The following FAM149B1 variants were observed in gnomAD, a reference collection of about 807,000 sequenced individuals.
FAM149B1 encodes primary cilium assembly protein FAM149B1.
A neutral mutation model predicts 75.3 loss-of-function variants in FAM149B1; 56 were observed. The observed-to-expected ratio is 0.74, with a 90% confidence interval of 0.60 to 0.93. The LOEUF (loss-of-function observed/expected upper bound fraction) is 0.93. FAM149B1 is among the 40% of genes least tolerant of loss of function. The pLI is 0.00. For missense variants in FAM149B1, 639 were observed against 708.4 expected, an observed-to-expected ratio of 0.90 and a Z score of 1.11; for synonymous variants, 259 against 256.1, an observed-to-expected ratio of 1.01 and a Z score of -0.11.
chr10:73,235,214 C>G lies in FAM149B1; in HGVS notation c.1498C>G (p.Arg500Gly). The part of the protein sequence containing the change: ...RQMKPHGDSS[R>G]AQSAVVDEPN... ...GCAGAAACCCCATGGCGACTCTAGT[C>G]GAGCTCAAAGTGCGGTGGTGGATGA... Residue 500 changes from arginine to glycine, a missense_variant, in exon 12 of 14, where the codon CGA becomes GGA. By Grantham distance (125) the Arg-to-Gly change is moderately radical (BLOSUM62 -2). Transcript: ENST00000242505. 6.4e-7 allele frequency: 1 copy of G among 1,551,700 alleles called. No homozygotes were observed. Among genetic ancestry groups the G allele is most frequent in the Non-Finnish European group, 8.7e-7 (1 of 1,146,964 alleles).
chr10:73,189,170 G>A (rs1340062044), intron 3 of FAM149B1, among the ~76,000 whole-genome samples: 1 of 152,128 alleles, frequency 6.6e-6, no homozygotes, highest in East Asian at 1.9e-4. Context: ...TAGAGAAAAT[G>A]CAAATTGAAA....
chr10:73,170,404 C>T (rs926890841), intron 1 of FAM149B1, among the ~76,000 whole-genome samples: 32 of 151,744 alleles, frequency 2.1e-4, no homozygotes, highest in Admixed American at 1.3e-4. Flanking sequence ...CTTGGGAGGC[C>T]GAGGCATGAG....
intron 3 of FAM149B1, among the ~76,000 whole-genome samples, chr10:73,189,039 T>A (rs1022731775): frequency 1.3e-5 from 2 of 151,740 alleles, no homozygotes; most frequent in Non-Finnish European, 2.9e-5. Context: ...TAAAAAATAA[T>A]TAATTAATTA....
At position 73,208,744 on chromosome 10, in the gene FAM149B1, A is replaced by C; in HGVS notation, c.668A>C (p.Glu223Ala). 1 of 1,540,074 alleles carries C rather than the reference A, an allele frequency of 6.5e-7. No homozygotes were observed. The highest frequency in any genetic ancestry group is 8.8e-7 in the Non-Finnish European group (1 of 1,140,416). Residue 223 changes from glutamate to alanine, a missense_variant, in exon 6 of 14, where the codon GAA becomes GCA. Coordinates refer to ENST00000242505, the MANE Select transcript of FAM149B1 (RefSeq NM_173348.2). ...GAGGAAGACTCTATAATCGTCTCAG[A>C]AGGAATAATTGAGGAATACCTAGCA... ...RDEEDSIIVSEGIIEEYLAFD... is the reference protein window; with the variant it reads ...RDEEDSIIVSAGIIEEYLAFD...
Position 73,233,157 on chromosome 10 carries a change from C to A in FAM149B1, c.1346C>A (p.Ala449Asp), listed in dbSNP as rs771923238. The A allele has an allele frequency of 6.5e-7, 1 of 1,549,122 alleles. No individual in the cohort carries two copies. Residue 449 changes from alanine (A) to aspartate (D), a missense_variant, in exon 10 of 14, where the codon GCC becomes GAC. Transcript: ENST00000242505. The part of the protein sequence containing the change: ...PRSVEEILRG[A>D]RVPVAPDSLS... Reference sequence around the variant, plus strand: ...TCTGTGGAAGAAATCCTCAGAGGAGCCCGAGTGTAGGTTTCAAAAGCAGAA... The same window carrying A: ...TCTGTGGAAGAAATCCTCAGAGGAGACCGAGTGTAGGTTTCAAAAGCAGAA...
At chr10:73,189,091 A>T (rs1002493797) in intron 3 of FAM149B1, among the ~76,000 whole-genome samples, 1 of 152,128 alleles carries the variant, frequency 6.6e-6, no homozygotes, top group South Asian at 2.1e-4. Context: ...ACTTGAAAAG[A>T]CATTCCATGA....
At chr10:73,169,061 C>A (rs545180962) in intron 1 of FAM149B1, 3 of 152,246 alleles carry the variant, frequency 2.0e-5, no homozygotes, top group Non-Finnish European at 4.4e-5. Flanking sequence ...CGCTTGTAAT[C>A]CCAGCACTTT....
chr10:73,170,743 A>C (rs908462647), intron 1 of FAM149B1, among the ~76,000 whole-genome samples: 1 of 152,168 alleles, frequency 6.6e-6, no homozygotes, highest in African/African-American at 2.4e-5. Flanking sequence ...GGGAACTAGG[A>C]AGAAGAAACA....
intron 3 of FAM149B1, among the ~76,000 whole-genome samples, chr10:73,187,729 C>CA (rs938873191): frequency 5.4e-5 from 8 of 148,044 alleles, no homozygotes; most frequent in African/African-American, 2.0e-4. Flanking sequence ...AACTCTGTCT[C>CA]AAAAAAAAAT....
intron 7 of FAM149B1, among the ~76,000 whole-genome samples, chr10:73,222,032 T>C (rs1365550294): frequency 6.6e-6 from 1 of 152,222 alleles, no homozygotes; most frequent in Non-Finnish European, 1.5e-5. Context: ...GTGGAATAAT[T>C]TGAATATCTG....
chr10:73,210,689 G>A (rs989859754), intron 7 of FAM149B1, among the ~76,000 whole-genome samples: 4 of 151,976 alleles, frequency 2.6e-5, no homozygotes, highest in Non-Finnish European at 4.4e-5. Flanking sequence ...CAGGCATGGT[G>A]GCATTCACCT....
In FAM149B1 at chr10:73,235,184, C is replaced by A; in HGVS notation, c.1477-9C>A. ...TTCACTGTTTCTGTAACTTTTGTCT[C>A]CTCTGCAGAAACCCCATGGCGACTC... On this transcript the variant is annotated splice_polypyrimidine_tract_variant and intron_variant, in intron 11 of 13. Transcript: ENST00000242505. The A allele has an allele frequency of 1.3e-6, 2 of 1,551,386 alleles. No homozygotes were observed. Among genetic ancestry groups the A allele is most frequent in the Non-Finnish European group, 1.7e-6 (2 of 1,146,734 alleles).
At position 73,235,180 on chromosome 10, in the gene FAM149B1, G is replaced by A. The variant is rs765205570; in HGVS notation, c.1477-13G>A. 6.4e-7 allele frequency: 1 copy of A among 1,551,154 alleles called. No homozygotes were observed. Among genetic ancestry groups the A allele is most frequent in the Non-Finnish European group, 8.7e-7 (1 of 1,146,644 alleles). ...AGTTTTCACTGTTTCTGTAACTTTT[G>A]TCTCCTCTGCAGAAACCCCATGGCG... On this transcript the variant is annotated splice_polypyrimidine_tract_variant and intron_variant, in intron 11 of 13. Transcript: ENST00000242505.
rs1213721113 is a variant in FAM149B1, at chr10:73,191,405, C to T, written c.283-1151C>T. On this transcript the variant is annotated intron_variant, in intron 3 of 13. Coordinates refer to ENST00000242505, the MANE Select transcript of FAM149B1 (RefSeq NM_173348.2). ...AGGCAGGAGTGCAATAGCACAATCTCGGCTCACCGCAACCTCCGCCTCCCA... is the reference window on the plus strand; with the variant it reads ...AGGCAGGAGTGCAATAGCACAATCTTGGCTCACCGCAACCTCCGCCTCCCA... 2.1e-5 allele frequency among the ~76,000 whole-genome samples: 3 copies of T among 142,750 alleles called. No individual in the cohort carries two copies. In the South Asian group the frequency reaches 6.8e-4, roughly 33 times the overall value. 93.6% of individuals were successfully genotyped at this position (142,750 alleles called of 152,430 possible). A position where few individuals can be genotyped will look rare whatever the true frequency, so the allele number is the denominator to read the frequency against.
At chr10:73,175,994 A>G (rs1339487756) in intron 2 of FAM149B1, among the ~76,000 whole-genome samples, 4 of 152,106 alleles carry the variant, frequency 2.6e-5, no homozygotes, top group Admixed American at 2.0e-4. Context: ...AGTGCATTAC[A>G]TTTATTATAC....
chr10:73,230,708 A>G (rs2043672041), intron 9 of FAM149B1, 183 bp downstream of exon 9: 1 of 535,570 alleles, frequency 1.9e-6, no homozygotes, highest in Non-Finnish European at 3.4e-6. Flanking sequence ...TGGAAAGAGA[A>G]GACATACGTG....
intron 3 of FAM149B1, 112 bp from the exon 4 acceptor site, chr10:73,192,444 C>A: frequency 9.4e-7 from 1 of 1,069,424 alleles, no homozygotes; most frequent in Non-Finnish European, 1.3e-6. Context: ...AGCAGTATTT[C>A]AAGTAGACTA....
rs1212323279 is a variant in FAM149B1 at position 73,242,142 on chromosome 10, A to T, written c.*1123A>T. On this transcript the variant is annotated 3_prime_UTR_variant, in exon 14 of 14. Transcript: ENST00000242505. ...CAGATGCTTCAAACAACCTGCATTAAATTATATTTTTAATAAAATTAAAAT... is the reference window on the plus strand; with the variant it reads ...CAGATGCTTCAAACAACCTGCATTATATTATATTTTTAATAAAATTAAAAT... 6.6e-6 allele frequency: 1 copy of T among 152,166 alleles called. No individual in the cohort carries two copies. Among genetic ancestry groups the T allele is most frequent in the Non-Finnish European group, 1.5e-5 (1 of 68,024 alleles). The allele number at this position is 152,166 out of a possible 1,614,324, so 9.4% of individuals were successfully genotyped here. A position where few individuals can be genotyped will look rare whatever the true frequency, so the allele number is the denominator to read the frequency against.
At chr10:73,227,463 A>G (rs545344914) in intron 7 of FAM149B1, among the ~76,000 whole-genome samples, 3 of 152,228 alleles carry the variant, frequency 2.0e-5, no homozygotes, top group South Asian at 2.1e-4. Context: ...ACATCTGTCA[A>G]TTCCAATTTC....
Sources: gnomAD v4.1 joint callset for allele counts (sites outside exome capture counted in the v4.1 genomes callset) on GRCh38, gnomAD v4.1.1 for gene constraint, MANE v1.5 for transcripts, NCBI Gene and HGNC (gene_info 2026-07-23, HGNC 2026-07-21) for gene names.